GTF3C1: variants seen among roughly 807,000 people sequenced by gnomAD.
The protein encoded by GTF3C1 is general transcription factor 3C polypeptide 1.
In GTF3C1, 57 loss-of-function variants were observed where a neutral mutation model predicts 226.7. That is an observed-to-expected ratio of 0.25 (90% CI 0.20 to 0.31). The LOEUF is 0.31. Ranked by LOEUF, GTF3C1 falls within the 10% of genes least tolerant of loss-of-function variation. The pLI is 1.00. For missense variants in GTF3C1, 2,217 were observed against 2,776.1 expected (o/e 0.80, Z 4.53); for synonymous variants, 1,090 against 1,084.8 (o/e 1.00, Z -0.09).
intron 26 of GTF3C1, chr16:27,482,459 C>G (rs1010481370): frequency 4.4e-5 from 20 of 455,902 alleles, no homozygotes; most frequent in Non-Finnish European, 7.5e-5. Context: ...CTTCCGGGAG[C>G]TGACTACACT....
chr16:27,514,108 CCAG>C (rs1305843685), intron 6 of GTF3C1, among the ~76,000 whole-genome samples: 2 of 152,200 alleles, frequency 1.3e-5, no homozygotes, highest in African/African-American at 4.8e-5. Context: ...GGGCAAGAGG[CCAG>C]CAGAAGTGGT....
Position 27,464,688 on chromosome 16 carries a change from C to G in GTF3C1, c.5504G>C (p.Arg1835Thr), listed in dbSNP as rs1229362587. ...CTCACTGGAAGACCCCTCCAGGGGTCTGGCCTGGGGGTCTTCTCTCTGGAT... is the reference window on the plus strand; with the variant it reads ...CTCACTGGAAGACCCCTCCAGGGGTGTGGCCTGGGGGTCTTCTCTCTGGAT... ...ADIQREDPQA[R>T]PLEGSSSEDS... The change falls in exon 34 of 37, where the codon AGA (arginine) becomes ACA (threonine). Residue 1835 changes from arginine to threonine, a missense_variant. Coordinates refer to ENST00000356183, the MANE Select transcript of GTF3C1 (RefSeq NM_001520.4). The G allele has an allele frequency of 2.5e-6, 4 of 1,592,592 alleles. No individual in the cohort carries two copies. The highest frequency in any genetic ancestry group is 2.6e-6 in the Non-Finnish European group (3 of 1,174,204).
chr16:27,548,919 C>T (rs1017820815), intron 1 of GTF3C1, among the ~76,000 whole-genome samples: 3 of 152,236 alleles, frequency 2.0e-5, no homozygotes, highest in East Asian at 1.9e-4. Flanking sequence ...TTTGGGAGGC[C>T]GAGAGGTGCG....
At chr16:27,525,202 A>AAAGAT (rs2088813875) in intron 6 of GTF3C1, among the ~76,000 whole-genome samples, 5 of 151,928 alleles carry the variant, frequency 3.3e-5, no homozygotes, top group African/African-American at 1.2e-4. Context: ...AAAGAAAAGA[A>AAAGAT]AAGATCAAAT....
At chr16:27,468,949 G>C (rs999238876) in intron 32 of GTF3C1, among the ~76,000 whole-genome samples, 2 of 152,136 alleles carry the variant, frequency 1.3e-5, no homozygotes, top group Non-Finnish European at 2.9e-5. Flanking sequence ...ACTAGAGCCC[G>C]GGCAGTGACA....
At chr16:27,497,593 A>T (rs1240573130) in intron 14 of GTF3C1, 44 bp downstream of exon 14, 11 of 1,511,636 alleles carry the variant, frequency 7.3e-6, no homozygotes, top group Non-Finnish European at 1.0e-5. Context: ...CATACAAACA[A>T]CAAATCAAAT....
At chr16:27,511,613 C>T in intron 7 of GTF3C1, 136 bp downstream of exon 7, 1 of 879,190 alleles carries the variant, frequency 1.1e-6, no homozygotes, top group South Asian at 1.8e-5. Flanking sequence ...GAAGCCTAAA[C>T]CCTTCTGGGG....
intron 23 of GTF3C1, among the ~76,000 whole-genome samples, chr16:27,486,581 A>G (rs980766560): frequency 1.6e-4 from 25 of 152,184 alleles, no homozygotes; most frequent in African/African-American, 5.8e-4. Flanking sequence ...CTGTGACCAC[A>G]CGGGCGTTGT....
At chr16:27,541,025 G>A (rs2089073704) in intron 2 of GTF3C1, among the ~76,000 whole-genome samples, 1 of 152,172 alleles carries the variant, frequency 6.6e-6, no homozygotes, top group Non-Finnish European at 1.5e-5. Context: ...ACTTTTAGTA[G>A]AGATGGGGTT....
At chr16:27,489,935 G>C (rs1270696411) in intron 19 of GTF3C1, among the ~76,000 whole-genome samples, 192 bp from the exon 20 acceptor site, 1 of 152,256 alleles carries the variant, frequency 6.6e-6, no homozygotes, top group African/African-American at 2.4e-5. Flanking sequence ...AGGGAACAGA[G>C]GAAGAGAGTT....
intron 23 of GTF3C1, among the ~76,000 whole-genome samples, chr16:27,486,355 C>G (rs1297378645): frequency 6.6e-6 from 1 of 151,970 alleles, no homozygotes; most frequent in African/African-American, 2.4e-5. Flanking sequence ...TTTTTAAATC[C>G]CTTTCATCAT....
intron 26 of GTF3C1, among the ~76,000 whole-genome samples, chr16:27,481,723 C>T (rs2088050948): frequency 1.3e-5 from 2 of 152,210 alleles, no homozygotes; most frequent in African/African-American, 4.8e-5. Context: ...GGTATGCTCC[C>T]GCTCCTCCCT....
At chr16:27,473,002 G>C (rs1021602478) in intron 29 of GTF3C1, among the ~76,000 whole-genome samples, 1 of 151,982 alleles carries the variant, frequency 6.6e-6, no homozygotes, top group African/African-American at 2.4e-5. Context: ...CTGCAGCCTC[G>C]ACCTCCTGGC....
intron 7 of GTF3C1, 106 bp downstream of exon 7, chr16:27,511,643 G>T: frequency 8.2e-7 from 1 of 1,216,386 alleles, no homozygotes. Flanking sequence ...ACTTCCCATT[G>T]TATTACATTC....
intron 4 of GTF3C1, 131 bp downstream of exon 4, chr16:27,537,653 C>T: frequency 1.5e-6 from 1 of 647,900 alleles, no homozygotes; most frequent in Non-Finnish European, 2.7e-6. Context: ...AGCAGTTCTC[C>T]CACCTCAGCC....
At chr16:27,485,653 A>G (rs1050347669) in intron 24 of GTF3C1, among the ~76,000 whole-genome samples, 2 of 152,256 alleles carry the variant, frequency 1.3e-5, no homozygotes, top group Non-Finnish European at 2.9e-5. Flanking sequence ...TGAAAGCTAA[A>G]AAGAAATGTA....
At position 27,506,924 on chromosome 16, in the gene GTF3C1, C is replaced by G. The variant is rs1285173788; in HGVS notation, c.1475G>C (p.Arg492Thr). 6.2e-7 allele frequency: 1 copy of G among 1,613,826 alleles called. No individual in the cohort carries two copies. The highest frequency in any genetic ancestry group is 8.5e-7 in the Non-Finnish European group (1 of 1,179,946). ...EERSSSKRRG[R>T]GSQKDTRASA... is the part of the protein sequence containing the mutation. ...GGCTCTTGTGTCTTTCTGGGACCCT[C>G]TGCCTCTCCGCTTGCTGCTGCTCCT... Residue 492 changes from arginine to threonine, a missense_variant, in exon 9 of 37, where the codon AGA (arginine) becomes ACA (threonine). By Grantham distance (71) the Arg-to-Thr change is moderately conservative. Around this residue, in one of 12 missense-constraint regions of GTF3C1, gnomAD observed 173 missense variants for 207.2 expected, o/e 0.83. Transcript: ENST00000356183.
At chr16:27,476,932 T>C (rs2087959938) in intron 28 of GTF3C1, among the ~76,000 whole-genome samples, 1 of 152,254 alleles carries the variant, frequency 6.6e-6, no homozygotes, top group Non-Finnish European at 1.5e-5. Context: ...ACCTGGGCTT[T>C]TGGAACTGAG....
At chr16:27,486,429 T>C (rs1596625734) in intron 23 of GTF3C1, among the ~76,000 whole-genome samples, 1 of 152,342 alleles carries the variant, frequency 6.6e-6, no homozygotes, top group East Asian at 1.9e-4. Context: ...GTTGGTTATC[T>C]GCCAATCTCC....
Sources: gnomAD v4.1 joint callset for allele counts (sites outside exome capture counted in the v4.1 genomes callset) on GRCh38, gnomAD v4.1.1 for gene constraint, gnomAD v4.1.1 regional missense constraint, MANE v1.5 for transcripts, NCBI Gene and HGNC (gene_info 2026-07-23, HGNC 2026-07-21) for gene names.